NIBAN1: variants seen among roughly 807,000 people sequenced by gnomAD.
NIBAN1 encodes the protein protein Niban 1.
Under a neutral mutation model 75.1 loss-of-function variants are expected in NIBAN1, and 81 were observed. The ratio of observed to expected loss-of-function variants is 1.08; its 90% CI spans 0.90 to 1.30. The LOEUF (loss-of-function observed/expected upper bound fraction) is 1.30. NIBAN1 is among the 50% of genes most tolerant of loss of function. NIBAN1 has a pLI of 0.00. For synonymous variants in NIBAN1, 436 were observed against 424.8 expected, an observed-to-expected ratio of 1.03 and a Z score of -0.32; for missense variants, 1,133 against 1,128.1, an observed-to-expected ratio of 1.00 and a Z score of -0.06.
At chr1:184,903,009 G>T (rs1250734063) in intron 1 of NIBAN1, among the ~76,000 whole-genome samples, 1 of 152,176 alleles carries the variant, frequency 6.6e-6, no homozygotes, top group Non-Finnish European at 1.5e-5. Context: ...GCCCACAGGG[G>T]CCACACAAAA....
intron 11 of NIBAN1, among the ~76,000 whole-genome samples, chr1:184,805,564 T>A (rs1654171445): frequency 6.6e-6 from 1 of 152,252 alleles, no homozygotes; most frequent in East Asian, 1.9e-4. Context: ...AATCAATAAA[T>A]TATTCGCCAG....
Position 184,823,189 on chromosome 1 carries a change from GT to G in NIBAN1, c.962del (p.Asn321ThrfsTer3), listed in dbSNP as rs1234059753. 6.2e-7 allele frequency: 1 copy of G among 1,614,060 alleles called. No homozygotes were observed. The highest frequency in any genetic ancestry group is 8.5e-7 in the Non-Finnish European group (1 of 1,180,028). ...GACCTTTGATCTTTCCAATTAAATA[GT>G]TCTTTGAGTTCACAATCTGATCCAT... ...SDMDQIVNSK[N>X]YLIGKIKAMV... is the part of the protein sequence containing the mutation. On this transcript the variant is annotated frameshift_variant, in exon 8 of 14. Coordinates refer to ENST00000367511, the MANE Select transcript of NIBAN1 (RefSeq NM_052966.4). LOFTEE classifies it high-confidence loss of function.
intron 12 of NIBAN1, among the ~76,000 whole-genome samples, chr1:184,799,735 CTTTTTTTTTTTTTTTTTTT>C: frequency 2.0e-5 from 1 of 49,802 alleles, no homozygotes; most frequent in East Asian, 7.0e-4. Context: ...GATTGCCATT[CTTTTTTTTTTTTTTTTTTT>C]TTTTTTTTTG....
chr1:184,897,428 A>G (rs1418283387), intron 2 of NIBAN1, among the ~76,000 whole-genome samples: 1 of 151,844 alleles, frequency 6.6e-6, no homozygotes, highest in East Asian at 1.9e-4. Flanking sequence ...TACTCCATAG[A>G]CCGTTTCTTC....
At chr1:184,960,792 G>A (rs1291579323) in intron 1 of NIBAN1, among the ~76,000 whole-genome samples, 3 of 151,898 alleles carry the variant, frequency 2.0e-5, no homozygotes. Context: ...CACCACACCC[G>A]GCTAATTTTG....
chr1:184,869,340 C>T (rs541650043), intron 5 of NIBAN1, among the ~76,000 whole-genome samples: 20 of 151,976 alleles, frequency 1.3e-4, no homozygotes, highest in Non-Finnish European at 2.5e-4. Context: ...GTATAAAAAG[C>T]GAAAGGGTCA....
chr1:184,820,889 G>T (rs1654679936), intron 8 of NIBAN1, among the ~76,000 whole-genome samples: 2 of 152,170 alleles, frequency 1.3e-5, no homozygotes, highest in Admixed American at 1.3e-4. Flanking sequence ...TCTGGAAGTG[G>T]CCCCTTGGAA....
intron 1 of NIBAN1, among the ~76,000 whole-genome samples, chr1:184,937,806 C>G (rs1291649224): frequency 6.6e-6 from 1 of 152,208 alleles, no homozygotes; most frequent in East Asian, 1.9e-4. Flanking sequence ...CTTTTCTCAC[C>G]TGCAAAGTGG....
intron 1 of NIBAN1, among the ~76,000 whole-genome samples, chr1:184,955,384 T>C (rs998886299): frequency 4.8e-5 from 7 of 145,834 alleles, no homozygotes; most frequent in African/African-American, 1.8e-4. Flanking sequence ...GTTTTTGAGA[T>C]GGAGACTTGC....
intron 5 of NIBAN1, among the ~76,000 whole-genome samples, chr1:184,878,362 G>A (rs1016131450): frequency 5.3e-5 from 8 of 152,172 alleles, no homozygotes; most frequent in African/African-American, 1.9e-4. Context: ...TATTTTTAAA[G>A]TATTCCAACC....
intron 1 of NIBAN1, among the ~76,000 whole-genome samples, chr1:184,935,396 T>C (rs2102039028): frequency 6.6e-6 from 1 of 152,078 alleles, no homozygotes; most frequent in Admixed American, 6.5e-5. Flanking sequence ...TAGTCCCAGC[T>C]ACTCAGAAGG....
In NIBAN1 at chr1:184,795,152, G is replaced by T. The variant is rs749884547; in HGVS notation, c.2612C>A (p.Ala871Glu). Residue 871 changes from alanine (A) to glutamate (E), a missense_variant, in exon 14 of 14, where the codon GCG becomes GAG. Coordinates refer to ENST00000367511, the MANE Select transcript of NIBAN1 (RefSeq NM_052966.4). ...EQEEMGGQSS[A>E]AQATASVNAE... Reference sequence around the variant, plus strand: ...ATTCACACTGGCCGTGGCCTGGGCCGCGCTGCTTTGCCCTCCCATCTCTTC... The same window carrying T: ...ATTCACACTGGCCGTGGCCTGGGCCTCGCTGCTTTGCCCTCCCATCTCTTC... 1 of 1,614,178 alleles carries T rather than the reference G, an allele frequency of 6.2e-7. No individual in the cohort carries two copies. Among genetic ancestry groups the T allele is most frequent in the South Asian group, 1.1e-5 (1 of 91,088 alleles).
At chr1:184,968,472 G>C (rs1486054747) in intron 1 of NIBAN1, among the ~76,000 whole-genome samples, 1 of 152,092 alleles carries the variant, frequency 6.6e-6, no homozygotes, top group Admixed American at 6.5e-5. Flanking sequence ...TGATCAATAT[G>C]CATTTGTGCA....
intron 5 of NIBAN1, among the ~76,000 whole-genome samples, chr1:184,844,855 G>A (rs1014822559): frequency 1.3e-5 from 2 of 152,270 alleles, no homozygotes; most frequent in Non-Finnish European, 1.5e-5. Context: ...CCATCACCCT[G>A]CCCTGATCAG....
chr1:184,901,833 C>T (rs1301866858), intron 1 of NIBAN1, among the ~76,000 whole-genome samples: 1 of 152,104 alleles, frequency 6.6e-6, no homozygotes, highest in African/African-American at 2.4e-5. Context: ...TGCATACTGT[C>T]CCATTAACAC....
At chr1:184,882,810 G>A (rs537748709) in intron 5 of NIBAN1, among the ~76,000 whole-genome samples, 3 of 152,270 alleles carry the variant, frequency 2.0e-5, no homozygotes, top group Admixed American at 1.3e-4. Flanking sequence ...CTACTAGACC[G>A]AGGCCCTAAA....
In NIBAN1 at chr1:184,884,750, A is replaced by G; in HGVS notation, c.484T>C (p.Phe162Leu). ...TQPFVVLPKE[F>L]PVYLWQPFFR... is the part of the protein sequence containing the mutation. ...AAGGGCTGCCACAGGTACACTGGGA[A>G]TTCCTTGGGCAGGACCACAAAGGGC... is the stretch of plus-strand genomic sequence containing the variant. Residue 162 changes from phenylalanine to leucine, a missense_variant, in exon 5 of 14, where the codon TTC (phenylalanine) becomes CTC (leucine). Transcript: ENST00000367511. The G allele has an allele frequency of 6.2e-7, 1 of 1,614,202 alleles. No individual in the cohort carries two copies. The highest frequency in any genetic ancestry group is 8.5e-7 in the Non-Finnish European group (1 of 1,179,998).
chr1:184,863,827 C>T (rs1655879283), intron 5 of NIBAN1, among the ~76,000 whole-genome samples: 1 of 152,126 alleles, frequency 6.6e-6, no homozygotes, highest in South Asian at 2.1e-4. Context: ...GCTATTGTGA[C>T]CTTAAATAGC....
At chr1:184,958,613 T>C (rs879576689) in intron 1 of NIBAN1, among the ~76,000 whole-genome samples, 5 of 152,194 alleles carry the variant, frequency 3.3e-5, no homozygotes, top group Admixed American at 3.3e-4. Flanking sequence ...TTACCTTTCG[T>C]CTAAGATATT....
Sources: allele counts gnomAD v4.1 joint callset (sites outside exome capture counted in the v4.1 genomes callset), GRCh38; gene constraint gnomAD v4.1.1; transcripts MANE v1.5; gene names NCBI Gene and HGNC (gene_info 2026-07-23, HGNC 2026-07-21).